Variants in GLB1 observed in about 807,000 individuals in gnomAD.
The protein encoded by GLB1 is galactosidase beta 1.
GLB1 carries 56 observed loss-of-function variants against 74.0 expected under a neutral mutation model. The ratio of observed to expected loss-of-function variants is 0.76; its 90% CI spans 0.61 to 0.94. The LOEUF (loss-of-function observed/expected upper bound fraction) is 0.94, where lower values mean the gene tolerates loss of function less well. Ranked by LOEUF, GLB1 falls within the 40% of genes least tolerant of loss-of-function variation. GLB1 has a pLI of 0.00. For synonymous variants in GLB1, 323 were observed against 323.6 expected, an observed-to-expected ratio of 1.00 and a Z score of 0.02; for missense variants, 787 against 845.5, an observed-to-expected ratio of 0.93 and a Z score of 0.86.
chr3:33,024,456 A>G (rs908317069), intron 10 of GLB1, 131 bp from the exon 11 acceptor site: 26 of 957,304 alleles, frequency 2.7e-5, no homozygotes, highest in Non-Finnish European at 3.5e-5. Flanking sequence ...GGAAAATCAA[A>G]GGAACTAGAG....
At chr3:32,963,896 G>A in the GLB1 span, among the ~76,000 whole-genome samples, 2 of 152,192 alleles carry the variant, frequency 1.3e-5, no homozygotes, top group South Asian at 2.1e-4. Context: ...AGAACTTTAT[G>A]ATGATGGAGA....
At chr3:33,011,638 CAA>C (rs11342344) in intron 15 of GLB1, among the ~76,000 whole-genome samples, 21 of 84,068 alleles carry the variant, frequency 2.5e-4, no homozygotes, top group Non-Finnish European at 3.5e-4. Context: ...GAGTCCATCT[CAA>C]AAAAAAAAAA....
intron 1 of GLB1, chr3:33,091,033 A>G: frequency 1.0e-6 from 1 of 985,464 alleles, no homozygotes; most frequent in Non-Finnish European, 1.2e-6. Flanking sequence ...CAGGTGAGTC[A>G]AACATTACCA....
intron 2 of GLB1, among the ~76,000 whole-genome samples, chr3:33,071,053 A>C (rs752414351): frequency 1.6e-4 from 25 of 152,088 alleles, no homozygotes; most frequent in Non-Finnish European, 3.4e-4. Context: ...AAATGACAAA[A>C]CCTTCTACCA....
chr3:33,074,366 AAGG>A (rs1559412855), intron 1 of GLB1, among the ~76,000 whole-genome samples: 15 of 124,016 alleles, frequency 1.2e-4, no homozygotes, highest in African/African-American at 3.5e-4. Flanking sequence ...GGAAGGAAGG[AAGG>A]AAGGAAGGAA....
At chr3:32,965,532 G>T in the GLB1 span, among the ~76,000 whole-genome samples, 5 of 151,330 alleles carry the variant, frequency 3.3e-5, no homozygotes, top group African/African-American at 1.2e-4. Context: ...AGGAAGCAGA[G>T]AATAAAAATT....
chr3:33,024,464 G>C, intron 10 of GLB1, 139 bp from the exon 11 acceptor site: 3 of 896,774 alleles, frequency 3.3e-6, no homozygotes, highest in East Asian at 2.7e-5. Flanking sequence ...AAAGGAACTA[G>C]AGACTTCTTC....
rs115055991 is a variant in GLB1, at chr3:33,001,026, C to T, written c.1735-3682G>A. 7.7e-3 allele frequency among the ~76,000 whole-genome samples: 1,169 copies of T among 152,258 alleles called. 12 individuals are homozygous for T. Among genetic ancestry groups the T allele is most frequent in the African/African-American group, 0.027 (1,107 of 41,538 alleles). On this transcript the variant is annotated intron_variant, in intron 15 of 15. Coordinates refer to ENST00000307363, the MANE Select transcript of GLB1 (RefSeq NM_000404.4). ...ACACATTCCTGTTTCAAACCTCCTT[C>T]CTGTGGTCCACAGCCCATACCTTCC... is the stretch of plus-strand genomic sequence containing the variant.
chr3:33,076,637 C>A (rs932240637), intron 1 of GLB1, among the ~76,000 whole-genome samples: 1 of 152,102 alleles, frequency 6.6e-6, no homozygotes, highest in Admixed American at 6.6e-5. Flanking sequence ...GGGGAGAAAT[C>A]TGAGTGTCAA....
At chr3:33,037,017 A>G (rs1698305172) in intron 10 of GLB1, among the ~76,000 whole-genome samples, 1 of 151,510 alleles carries the variant, frequency 6.6e-6, no homozygotes, top group Non-Finnish European at 1.5e-5. Flanking sequence ...AAAATGGCAA[A>G]TTTTGTTTTA....
At chr3:33,001,120 C>A (rs1227763109) in intron 15 of GLB1, among the ~76,000 whole-genome samples, 4 of 149,178 alleles carry the variant, frequency 2.7e-5, no homozygotes, top group African/African-American at 9.8e-5. Flanking sequence ...TTGTTCTTTC[C>A]TTCTCTTTCT....
chr3:32,975,275 G>C, the GLB1 span, among the ~76,000 whole-genome samples: 20 of 152,102 alleles, frequency 1.3e-4, no homozygotes, highest in Admixed American at 4.6e-4. Context: ...TGCAGAGATG[G>C]GGTCTCACTA....
At chr3:32,982,811 T>C in the GLB1 span, among the ~76,000 whole-genome samples, 1 of 152,146 alleles carries the variant, frequency 6.6e-6, no homozygotes, top group African/African-American at 2.4e-5. Context: ...TGAGAGTCTC[T>C]GTTTATGTTT....
intron 1 of GLB1, among the ~76,000 whole-genome samples, chr3:33,074,359 AG>A (rs1168456311): frequency 5.2e-5 from 6 of 115,128 alleles, no homozygotes; most frequent in African/African-American, 1.9e-4. Flanking sequence ...GAAGGAAGGA[AG>A]GAAGGAAGGA....
chr3:33,092,151 C>T (rs1435361376), intron 1 of GLB1: 11 of 985,522 alleles, frequency 1.1e-5, no homozygotes, highest in African/African-American at 5.2e-5. Context: ...TGGCGCCCAC[C>T]GTTCTTCTCC....
At chr3:32,996,510 T>C (rs1696313696), downstream of GLB1, 1 of 192,630 alleles carries the variant, frequency 5.2e-6, no homozygotes, top group Non-Finnish European at 1.1e-5. Context: ...ATTTAGATTG[T>C]TTGCATAATT....
chr3:32,975,407 A>C, the GLB1 span, among the ~76,000 whole-genome samples: 1 of 151,986 alleles, frequency 6.6e-6, no homozygotes, highest in Non-Finnish European at 1.5e-5. Flanking sequence ...TTTTTTATCC[A>C]TATGTCAATG....
Position 33,074,357 on chromosome 3 carries a change from G to A in GLB1, c.76-1644C>T, listed in dbSNP as rs371867328. On this transcript the variant is annotated intron_variant, in intron 1 of 15. Coordinates refer to ENST00000307363, the MANE Select transcript of GLB1 (RefSeq NM_000404.4). ...GGAAGGAAGGAAGGAAGGAAGGAAG[G>A]AAGGAAGGAAGGAAGGAAGGAAGGA... 1.4e-4 allele frequency among the ~76,000 whole-genome samples: 5 copies of A among 35,782 alleles called. 1 individual carries two copies. Among genetic ancestry groups the A allele is most frequent in the African/African-American group, 3.6e-4 (2 of 5,538 alleles). The allele number at this position is 35,782 out of a possible 152,430, so 23.5% of individuals were successfully genotyped here.
chr3:32,969,011 C>T, the GLB1 span, among the ~76,000 whole-genome samples: 1 of 152,238 alleles, frequency 6.6e-6, no homozygotes, highest in Non-Finnish European at 1.5e-5. Flanking sequence ...CTCATCAAGT[C>T]AGTCCCAGGA....
Sources: gnomAD v4.1 joint callset for allele counts (sites outside exome capture counted in the v4.1 genomes callset) on GRCh38, gnomAD v4.1.1 for gene constraint, MANE v1.5 for transcripts, NCBI Gene and HGNC (gene_info 2026-07-23, HGNC 2026-07-21) for gene names.